Variants in DCT observed in about 807,000 individuals in gnomAD.
DCT encodes the protein L-dopachrome tautomerase.
Under a neutral mutation model 53.0 loss-of-function variants are expected in DCT, and 47 were observed. That is an observed-to-expected ratio of 0.89 (90% CI 0.70 to 1.13). The LOEUF is 1.13. Among genes scored for constraint, DCT ranks in the 50% most tolerant of loss-of-function variants. DCT has a pLI of 0.00. For missense variants in DCT, 669 were observed against 637.4 expected (o/e 1.05, Z -0.53); for synonymous variants, 244 against 237.0 (o/e 1.03, Z -0.27).
Position 94,466,664 on chromosome 13 carries a change from AC to A in DCT, c.596-7del, listed in dbSNP as rs1215278673. ...CCTGTAGGGGCGTCCTGGTCCTGAAACAATTGGGAAACATATTAGAGATGAC... is the reference window on the plus strand; with the variant it reads ...CCTGTAGGGGCGTCCTGGTCCTGAAAAATTGGGAAACATATTAGAGATGAC... On this transcript the variant is annotated splice_region_variant and splice_polypyrimidine_tract_variant and intron_variant, in intron 2 of 7. Coordinates refer to ENST00000377028, the MANE Select transcript of DCT (RefSeq NM_001922.5). The A allele has an allele frequency of 1.3e-6, 2 of 1,575,046 alleles. No individual in the cohort carries two copies. Among genetic ancestry groups the A allele is most frequent in the Non-Finnish European group, 1.7e-6 (2 of 1,157,544 alleles).
At chr13:94,538,953 T>C in the DCT span, among the ~76,000 whole-genome samples, 1 of 152,182 alleles carries the variant, frequency 6.6e-6, no homozygotes, top group Non-Finnish European at 1.5e-5. Flanking sequence ...CTCTAGCTTC[T>C]AGGGGTTATC....
At position 94,438,714 on chromosome 13, in the gene DCT, T is replaced by G. The variant is rs564975857; in HGVS notation, c.*1184A>C. 3.5e-5 allele frequency: 16 copies of G among 453,250 alleles called. No homozygotes were observed. In the Admixed American group the frequency reaches 3.8e-4, roughly 11 times the overall value. 28.1% of individuals were successfully genotyped at this position (453,250 alleles called of 1,614,324 possible). A position where few individuals can be genotyped will look rare whatever the true frequency, so the allele number is the denominator to read the frequency against. On this transcript the variant is annotated 3_prime_UTR_variant, in exon 8 of 8. Transcript: ENST00000377028. ...TAAGTCTGAACATCGTAGTAAAGAT[T>G]GTCTCATTCTTATTCCTCATGATCT...
chr13:94,454,711 T>C (rs1316590389), intron 6 of DCT, among the ~76,000 whole-genome samples: 1 of 152,238 alleles, frequency 6.6e-6, no homozygotes, highest in African/African-American at 2.4e-5. Context: ...AATTGCCTCA[T>C]GAATTTGAAA....
At chr13:94,450,447 A>G (rs1883003697) in intron 6 of DCT, among the ~76,000 whole-genome samples, 1 of 152,146 alleles carries the variant, frequency 6.6e-6, no homozygotes, top group Non-Finnish European at 1.5e-5. Context: ...AACAGAGAGT[A>G]TTTCTCAGGC....
At chr13:94,549,030 A>C in the DCT span, among the ~76,000 whole-genome samples, 2 of 152,188 alleles carry the variant, frequency 1.3e-5, no homozygotes, top group Admixed American at 1.3e-4. Context: ...AACGTTCTTT[A>C]GTCTGATGCG....
chr13:94,536,257 T>C, the DCT span, among the ~76,000 whole-genome samples: 2 of 152,186 alleles, frequency 1.3e-5, no homozygotes, highest in African/African-American at 2.4e-5. Flanking sequence ...GACCTGATGA[T>C]TTAACATTGA....
chr13:94,504,457 T>C, the DCT span, among the ~76,000 whole-genome samples: 2 of 152,180 alleles, frequency 1.3e-5, no homozygotes, highest in African/African-American at 4.8e-5. Flanking sequence ...AACCTCCACC[T>C]CCCAGGTTCC....
intron 6 of DCT, among the ~76,000 whole-genome samples, chr13:94,456,354 ATCATTGAAAGCTATACC>A (rs1434779753): frequency 6.6e-6 from 1 of 152,166 alleles, no homozygotes; most frequent in Non-Finnish European, 1.5e-5. Flanking sequence ...CAAGCTTAGA[ATCATTGAAAGCTATACC>A]TTTACTCTCC....
At chr13:94,534,709 T>A in the DCT span, among the ~76,000 whole-genome samples, 2 of 152,140 alleles carry the variant, frequency 1.3e-5, no homozygotes, top group African/African-American at 4.8e-5. Context: ...GGGCAGGGAG[T>A]GAGATCTTCA....
At chr13:94,543,981 G>A in the DCT span, among the ~76,000 whole-genome samples, 1 of 150,612 alleles carries the variant, frequency 6.6e-6, no homozygotes, top group Non-Finnish European at 1.5e-5. Context: ...GTTGCAGTGA[G>A]CCGAGATCAC....
rs1386631095 is a variant in DCT at position 94,468,933 on chromosome 13, C to A, written c.408G>T (p.Gln136His). 6.2e-7 allele frequency: 1 copy of A among 1,614,168 alleles called. No homozygotes were observed. Residue 136 changes from glutamine (Q) to histidine (H), a missense_variant, in exon 2 of 8, where the codon CAG (glutamine) becomes CAT (histidine). Gln to His is a conservative substitution (Grantham distance 24). Transcript: ENST00000377028. ...AGGCGCCCAAGAACTGCTCTCTTTC[C>A]TGAGGACTCAAGGAATGGATGTTCT... ...IRQNIHSLSP[Q>H]EREQFLGALD... is the part of the protein sequence containing the mutation.
At chr13:94,487,795 T>C in the DCT span, among the ~76,000 whole-genome samples, 3 of 152,098 alleles carry the variant, frequency 2.0e-5, no homozygotes, top group Non-Finnish European at 2.9e-5. Flanking sequence ...AAAGAGATTA[T>C]TTTTTTCCCT....
intron 2 of DCT, chr13:94,468,503 C>T (rs186864997): frequency 7.3e-6 from 3 of 408,580 alleles, no homozygotes; most frequent in African/African-American, 5.9e-5. Flanking sequence ...GAAAAGTTTA[C>T]ACTTTGAACC....
At chr13:94,505,477 G>A in the DCT span, among the ~76,000 whole-genome samples, 197 of 152,246 alleles carry the variant, frequency 1.3e-3, 1 homozygote, top group African/African-American at 3.9e-3. Context: ...CCGAAAGTCC[G>A]TTTGTAGAAG....
At chr13:94,472,837 C>A (rs1311642683) in intron 1 of DCT, among the ~76,000 whole-genome samples, 2 of 151,768 alleles carry the variant, frequency 1.3e-5, no homozygotes, top group Admixed American at 1.3e-4. Context: ...CTGCCTTGGC[C>A]TCCCAAAGTG....
At chr13:94,506,291 T>C in the DCT span, among the ~76,000 whole-genome samples, 1 of 152,184 alleles carries the variant, frequency 6.6e-6, no homozygotes, top group Non-Finnish European at 1.5e-5. Flanking sequence ...ACCTAGGCTC[T>C]TGGGGAAAGT....
the DCT span, among the ~76,000 whole-genome samples, chr13:94,511,441 C>A: frequency 6.6e-6 from 1 of 151,558 alleles, no homozygotes; most frequent in African/African-American, 2.4e-5. Flanking sequence ...CTTACTGCAA[C>A]CTCCACCTCC....
the DCT span, among the ~76,000 whole-genome samples, chr13:94,531,058 A>G: frequency 6.6e-6 from 1 of 152,182 alleles, no homozygotes; most frequent in African/African-American, 2.4e-5. Flanking sequence ...AAAGAGAATA[A>G]AATACCTGGG....
At chr13:94,446,769 G>T (rs1882763256) in intron 6 of DCT, among the ~76,000 whole-genome samples, 1 of 152,208 alleles carries the variant, frequency 6.6e-6, no homozygotes, top group Non-Finnish European at 1.5e-5. Flanking sequence ...GGGCCTTGCT[G>T]ACAATCTTTG....
Sources: gnomAD v4.1 joint callset for allele counts (sites outside exome capture counted in the v4.1 genomes callset) on GRCh38, gnomAD v4.1.1 for gene constraint, MANE v1.5 for transcripts, NCBI Gene and HGNC (gene_info 2026-07-23, HGNC 2026-07-21) for gene names.